Variants in ZFPM2 observed in about 807,000 individuals in gnomAD.
ZFPM2 encodes the protein zinc finger protein ZFPM2.
Under a neutral mutation model 98.6 loss-of-function variants are expected in ZFPM2, and 20 were observed. The ratio of observed to expected loss-of-function variants is 0.20; its 90% confidence interval spans 0.14 to 0.29. The LOEUF (loss-of-function observed/expected upper bound fraction) is 0.29, where lower values mean the gene tolerates loss of function less well. Ranked by LOEUF, ZFPM2 falls within the 10% of genes least tolerant of loss-of-function variation. The pLI is 1.00. For missense variants in ZFPM2, 1,310 were observed against 1,388.6 expected, an observed-to-expected ratio of 0.94 and a Z score of 0.90; for synonymous variants, 518 against 502.7, an observed-to-expected ratio of 1.03 and a Z score of -0.41.
intron 5 of ZFPM2, among the ~76,000 whole-genome samples, chr8:105,716,815 A>T (rs141486458): frequency 1.1e-4 from 17 of 152,020 alleles, no homozygotes; most frequent in Non-Finnish European, 1.9e-4. Flanking sequence ...TCAAGAGTAC[A>T]GCACAACAGG....
chr8:105,539,487 C>T (rs1444612181), intron 3 of ZFPM2, among the ~76,000 whole-genome samples: 1 of 152,146 alleles, frequency 6.6e-6, no homozygotes, highest in Non-Finnish European at 1.5e-5. Flanking sequence ...CTTGGAGCCA[C>T]AGTTTCATTG....
chr8:105,664,282 C>A (rs940731878), intron 5 of ZFPM2, among the ~76,000 whole-genome samples: 1 of 151,926 alleles, frequency 6.6e-6, no homozygotes, highest in Non-Finnish European at 1.5e-5. Context: ...ATCAAATAAT[C>A]ACTTTCATTA....
chr8:105,561,503 G>T, intron 4 of ZFPM2, 22 bp downstream of exon 4: 1 of 1,554,088 alleles, frequency 6.4e-7, no homozygotes, highest in Admixed American at 1.8e-5. Context: ...TTCCGAGATG[G>T]TTAATATTTT....
Position 105,801,888 on chromosome 8 carries a change from C to T in ZFPM2, c.1806C>T (p.Thr602=). 6.2e-7 allele frequency: 1 copy of T among 1,613,936 alleles called. No homozygotes were observed. The highest frequency in any genetic ancestry group is 1.1e-5 in the South Asian group (1 of 91,076). ...CTTTGAGTCCCAACACTGGCCAAAC[C>T]TCCATAAACCTTCTCAACCCAGCTG... ...PEALSPNTGQ[T]SINLLNPAAH... The change falls in exon 8 of 8, where the codon ACC becomes ACT. Residue 602 remains threonine, a synonymous_variant. Transcript: ENST00000407775.
chr8:105,749,854 G>A (rs1282963895), intron 5 of ZFPM2, among the ~76,000 whole-genome samples: 1 of 151,926 alleles, frequency 6.6e-6, no homozygotes, highest in Admixed American at 6.6e-5. Context: ...ATGCTATTCT[G>A]TTGTCTCTAG....
At chr8:105,529,358 G>C (rs1814244872) in intron 3 of ZFPM2, among the ~76,000 whole-genome samples, 4 of 152,032 alleles carry the variant, frequency 2.6e-5, no homozygotes, top group African/African-American at 9.7e-5. Flanking sequence ...GCACAGTTTA[G>C]TTCATAACAC....
chr8:105,786,041 C>T (rs1430746904), intron 5 of ZFPM2, among the ~76,000 whole-genome samples: 1 of 39,830 alleles, frequency 2.5e-5, no homozygotes. Flanking sequence ...GACTCCGTCT[C>T]AAAAAAAAAA....
intron 5 of ZFPM2, among the ~76,000 whole-genome samples, chr8:105,691,727 T>G (rs1810888271): frequency 6.6e-6 from 1 of 152,212 alleles, no homozygotes; most frequent in Non-Finnish European, 1.5e-5. Flanking sequence ...CATGGAGGTG[T>G]GAACCCTGTG....
intron 3 of ZFPM2, among the ~76,000 whole-genome samples, chr8:105,496,187 A>G (rs1200177520): frequency 6.6e-6 from 1 of 151,928 alleles, no homozygotes; most frequent in African/African-American, 2.4e-5. Flanking sequence ...TATTTATTTT[A>G]GAGGTGTAGG....
intron 1 of ZFPM2, among the ~76,000 whole-genome samples, chr8:105,351,965 A>G (rs1812655235): frequency 6.6e-6 from 1 of 152,200 alleles, no homozygotes; most frequent in East Asian, 1.9e-4. Flanking sequence ...AGAAATGCAC[A>G]TTACTGAAGT....
chr8:105,510,829 C>T (rs1813803187), intron 3 of ZFPM2, among the ~76,000 whole-genome samples: 1 of 152,194 alleles, frequency 6.6e-6, no homozygotes, highest in South Asian at 2.1e-4. Context: ...CCTGAAACCT[C>T]AGGAATGCTC....
chr8:105,381,483 A>G (rs1810888584), intron 1 of ZFPM2, among the ~76,000 whole-genome samples: 1 of 152,058 alleles, frequency 6.6e-6, no homozygotes, highest in Admixed American at 6.6e-5. Context: ...TCCTATCCAG[A>G]GCAAAGTCCT....
chr8:105,605,378 G>A (rs572063408), intron 4 of ZFPM2, among the ~76,000 whole-genome samples: 1 of 152,038 alleles, frequency 6.6e-6, no homozygotes, highest in South Asian at 2.1e-4. Context: ...AAATAGAATG[G>A]AATTTAATTA....
chr8:105,364,728 A>C (rs1407452806), intron 1 of ZFPM2, among the ~76,000 whole-genome samples: 1 of 152,112 alleles, frequency 6.6e-6, no homozygotes, highest in Non-Finnish European at 1.5e-5. Context: ...ATCAAGTGTA[A>C]GAGTTCCTGT....
intron 4 of ZFPM2, among the ~76,000 whole-genome samples, chr8:105,614,095 ATC>A (rs1816364619): frequency 6.6e-6 from 1 of 152,052 alleles, no homozygotes; most frequent in Non-Finnish European, 1.5e-5. Flanking sequence ...CCTTCAACAC[ATC>A]TCTTAGTTCT....
chr8:105,643,098 A>G (rs1227220311), intron 5 of ZFPM2, among the ~76,000 whole-genome samples: 1 of 152,160 alleles, frequency 6.6e-6, no homozygotes, highest in Non-Finnish European at 1.5e-5. Context: ...TTTTGAGGGT[A>G]CACGTGATGA....
rs529280439 is a variant in ZFPM2 at position 105,733,285 on chromosome 8, T to G, written c.533-55433T>G. 2.0e-5 allele frequency among the ~76,000 whole-genome samples: 3 copies of G among 152,052 alleles called. No individual in the cohort carries two copies. In the East Asian group the frequency reaches 5.8e-4, roughly 30 times the overall value. ...TCATTAAATGAAATGTTCTGTTTAG[T>G]TGCACATTGGCTAATTGTGCAGTTC... On this transcript the variant is annotated intron_variant, in intron 5 of 7. Coordinates refer to ENST00000407775, the MANE Select transcript of ZFPM2 (RefSeq NM_012082.4).
intron 3 of ZFPM2, among the ~76,000 whole-genome samples, chr8:105,555,220 A>G (rs1303547370): frequency 6.6e-6 from 1 of 152,142 alleles, no homozygotes; most frequent in Non-Finnish European, 1.5e-5. Flanking sequence ...AGTCCGTCCT[A>G]TATGCCTCAA....
At chr8:105,511,431 G>C (rs769547802) in intron 3 of ZFPM2, among the ~76,000 whole-genome samples, 2 of 152,174 alleles carry the variant, frequency 1.3e-5, no homozygotes, top group Non-Finnish European at 2.9e-5. Flanking sequence ...TGGGAAGTGG[G>C]TGTGCATTTC....
Sources: allele counts gnomAD v4.1 joint callset (sites outside exome capture counted in the v4.1 genomes callset), GRCh38; gene constraint gnomAD v4.1.1; transcripts MANE v1.5; gene names NCBI Gene and HGNC (gene_info 2026-07-23, HGNC 2026-07-21).